CCDC15: variants seen among roughly 807,000 people sequenced by gnomAD.
CCDC15 encodes coiled-coil domain containing 15.
A neutral mutation model predicts 114.5 loss-of-function variants in CCDC15; 105 were observed. The observed-to-expected ratio is 0.92, with a 90% CI of 0.78 to 1.08. The LOEUF is 1.08. CCDC15 is among the 50% of genes least tolerant of loss of function. The pLI, the probability that CCDC15 is intolerant of heterozygous loss-of-function variation, is 0.00. For missense variants in CCDC15, 1,105 were observed against 1,093.6 expected, an observed-to-expected ratio of 1.01 and a Z score of -0.15; for synonymous variants, 334 against 377.8, an observed-to-expected ratio of 0.88 and a Z score of 1.34.
intron 11 of CCDC15, among the ~76,000 whole-genome samples, chr11:124,995,740 T>C (rs558773094): frequency 3.9e-5 from 6 of 152,138 alleles, no homozygotes; most frequent in African/African-American, 7.2e-5. Flanking sequence ...CTCTGGACTA[T>C]TCAATTCAGG....
chr11:124,975,401 A>G (rs894039816), intron 5 of CCDC15, among the ~76,000 whole-genome samples, 192 bp downstream of exon 5: 5 of 152,252 alleles, frequency 3.3e-5, no homozygotes, highest in African/African-American at 4.8e-5. Context: ...TTCAAAGAAT[A>G]TCTGAAGATA....
chr11:125,028,822 C>T (rs1003277916), intron 13 of CCDC15, among the ~76,000 whole-genome samples: 1 of 152,088 alleles, frequency 6.6e-6, no homozygotes, highest in East Asian at 1.9e-4. Flanking sequence ...GGACCCATTT[C>T]ATTTTCTAAT....
intron 11 of CCDC15, among the ~76,000 whole-genome samples, chr11:125,001,005 T>C (rs1948471528): frequency 6.6e-6 from 1 of 152,248 alleles, no homozygotes; most frequent in African/African-American, 2.4e-5. Flanking sequence ...AACAGCACTG[T>C]AACTCATGCT....
At chr11:124,990,229 A>C (rs577172931) in intron 8 of CCDC15, among the ~76,000 whole-genome samples, 13 of 152,332 alleles carry the variant, frequency 8.5e-5, no homozygotes, top group African/African-American at 3.1e-4. Context: ...GCCAGGTGGT[A>C]GAACAGTGAG....
At chr11:124,986,158 A>G (rs1263595811) in intron 6 of CCDC15, among the ~76,000 whole-genome samples, 1 of 152,170 alleles carries the variant, frequency 6.6e-6, no homozygotes, top group Non-Finnish European at 1.5e-5. Context: ...TCAAAAATCA[A>G]TTGACTATAA....
At chr11:124,975,408 G>T (rs1405860423) in intron 5 of CCDC15, among the ~76,000 whole-genome samples, 199 bp downstream of exon 5, 1 of 152,166 alleles carries the variant, frequency 6.6e-6, no homozygotes, top group African/African-American at 2.4e-5. Context: ...AATATCTGAA[G>T]ATAAGGGAAA....
intron 5 of CCDC15, among the ~76,000 whole-genome samples, chr11:124,975,501 T>C (rs1947958452): frequency 6.6e-6 from 1 of 152,196 alleles, no homozygotes; most frequent in African/African-American, 2.4e-5. Context: ...TGTATATGTA[T>C]TCAACAAATA....
intron 6 of CCDC15, among the ~76,000 whole-genome samples, chr11:124,981,544 C>T (rs543396315): frequency 1.3e-5 from 2 of 151,884 alleles, no homozygotes; most frequent in Admixed American, 6.6e-5. Context: ...AGGGTTTTAC[C>T]ATATTGGCCA....
intron 6 of CCDC15, 67 bp from the exon 7 acceptor site, chr11:124,986,675 G>GTT: frequency 7.4e-7 from 1 of 1,358,132 alleles, no homozygotes. Context: ...TGCTGTGTGT[G>GTT]TGTGTGTGTG....
chr11:125,010,836 C>T (rs1948586077), intron 13 of CCDC15, among the ~76,000 whole-genome samples: 1 of 152,110 alleles, frequency 6.6e-6, no homozygotes, highest in African/African-American at 2.4e-5. Context: ...GTTGCAATTG[C>T]TTTTGAGGAT....
chr11:125,039,800 CT>C (rs1948803159), intron 15 of CCDC15, among the ~76,000 whole-genome samples: 3 of 146,996 alleles, frequency 2.0e-5, no homozygotes, highest in Admixed American at 1.3e-4. Context: ...GGTATATTTT[CT>C]CTCTGGCTCT....
rs771809568 is a variant in CCDC15, at chr11:125,038,625, T to C, written c.2585+21T>C. ...CTGAGGTAATTTGAAAAGGTCTTCA[T>C]GATATTTTGGCTCTAGAAGAGACTT... On this transcript the variant is annotated intron_variant, in intron 14 of 15. Coordinates refer to ENST00000344762, the MANE Select transcript of CCDC15 (RefSeq NM_025004.3). 2.0e-6 allele frequency: 3 copies of C among 1,521,926 alleles called. No individual in the cohort carries two copies. The Admixed American group carries it at 7.0e-5, about 36-fold the overall frequency. The allele number at this position is 1,521,926 out of a possible 1,614,324, so 94.3% of individuals were successfully genotyped here.
At position 124,988,067 on chromosome 11, in the gene CCDC15, A is replaced by G. The variant is rs748783104; in HGVS notation, c.1841A>G (p.His614Arg). 4 of 1,613,996 alleles carry G rather than the reference A, an allele frequency of 2.5e-6. No individual in the cohort carries two copies. Among genetic ancestry groups the G allele is most frequent in the East Asian group, 2.2e-5 (1 of 44,882 alleles). Reference protein sequence around the residue: ...QDRDFLPRDLHVLSNDQNILP... With the variant: ...QDRDFLPRDLRVLSNDQNILP... ...CGGGATTTTCTACCCAGAGACCTGC[A>G]TGTTCTCTCCAACGACCAGAATATT... Residue 614 changes from histidine to arginine, a missense_variant, in exon 8 of 16, where the codon CAT becomes CGT. Coordinates refer to ENST00000344762, the MANE Select transcript of CCDC15 (RefSeq NM_025004.3).
chr11:124,967,961 G>A (rs12270044), intron 4 of CCDC15, among the ~76,000 whole-genome samples: 30,699 of 151,962 alleles, frequency 0.2, 3,640 homozygotes, highest in African/African-American at 0.33. Context: ...TATCACCAGT[G>A]GAGGCTGCAG....
intron 2 of CCDC15, among the ~76,000 whole-genome samples, chr11:124,956,529 T>C (rs112975891): frequency 1.3e-4 from 20 of 152,334 alleles, no homozygotes; most frequent in African/African-American, 4.3e-4. Flanking sequence ...GATATTTTGG[T>C]ATTTAAGTTG....
At chr11:125,027,269 TG>T (rs1183159103) in intron 13 of CCDC15, among the ~76,000 whole-genome samples, 1 of 152,236 alleles carries the variant, frequency 6.6e-6, no homozygotes, top group Non-Finnish European at 1.5e-5. Flanking sequence ...GTGGGATTGC[TG>T]GATGGAATTG....
chr11:124,967,178 G>C (rs1947798903), intron 4 of CCDC15, among the ~76,000 whole-genome samples: 1 of 152,176 alleles, frequency 6.6e-6, no homozygotes, highest in Admixed American at 6.5e-5. Context: ...TTTAAAGGTT[G>C]ACCTGCCTTG....
chr11:124,966,908 G>T (rs1030888875), intron 4 of CCDC15, among the ~76,000 whole-genome samples: 1 of 152,128 alleles, frequency 6.6e-6, no homozygotes, highest in African/African-American at 2.4e-5. Context: ...AGCTTAGTTT[G>T]GCTGGATATG....
chr11:125,038,788 C>A, intron 14 of CCDC15, 133 bp from the exon 15 acceptor site: 1 of 1,263,390 alleles, frequency 7.9e-7, no homozygotes, highest in Non-Finnish European at 1.1e-6. Flanking sequence ...GCGTTTTTCC[C>A]AGTACAAAGA....
Sources: gnomAD v4.1 joint callset for allele counts (sites outside exome capture counted in the v4.1 genomes callset) on GRCh38, gnomAD v4.1.1 for gene constraint, MANE v1.5 for transcripts, NCBI Gene and HGNC (gene_info 2026-07-23, HGNC 2026-07-21) for gene names.